The following BICDL1 variants were observed in gnomAD, a reference collection of about 807,000 sequenced individuals.
BICDL1 encodes the protein BICD family-like cargo adapter 1.
A neutral mutation model predicts 76.8 loss-of-function variants in BICDL1; 20 were observed. That is an observed-to-expected ratio of 0.26 (90% CI 0.18 to 0.38). BICDL1 has a LOEUF of 0.38. Among genes scored for constraint, BICDL1 ranks in the 10% least tolerant of loss-of-function variants. The pLI is 1.00. For synonymous variants in BICDL1, 383 were observed against 337.1 expected (o/e 1.14, Z -1.49); for missense variants, 700 against 798.6 (o/e 0.88, Z 1.49).
chr12:120,047,310 TCTGA>T (rs1952767871), intron 2 of BICDL1, among the ~76,000 whole-genome samples: 1 of 152,116 alleles, frequency 6.6e-6, no homozygotes, highest in Non-Finnish European at 1.5e-5. Flanking sequence ...TCATCCAATA[TCTGA>T]CTATTTGTTT....
intron 2 of BICDL1, among the ~76,000 whole-genome samples, chr12:120,025,342 G>C (rs951008903): frequency 6.6e-6 from 1 of 152,126 alleles, no homozygotes; most frequent in Non-Finnish European, 1.5e-5. Context: ...GAACCACCGC[G>C]CCCGGCCGAT....
intron 2 of BICDL1, among the ~76,000 whole-genome samples, chr12:120,011,962 A>G (rs943043417): frequency 3.9e-5 from 6 of 152,232 alleles, no homozygotes; most frequent in Non-Finnish European, 5.9e-5. Flanking sequence ...ATTGAACGAG[A>G]TGATTCCTTC....
At chr12:120,046,689 T>G (rs1952756470) in intron 2 of BICDL1, among the ~76,000 whole-genome samples, 1 of 152,172 alleles carries the variant, frequency 6.6e-6, no homozygotes, top group Non-Finnish European at 1.5e-5. Flanking sequence ...AGCATAGTAG[T>G]GTTCCATCCA....
At chr12:120,033,475 C>T (rs1029617952) in intron 2 of BICDL1, among the ~76,000 whole-genome samples, 2 of 149,278 alleles carry the variant, frequency 1.3e-5, no homozygotes, top group African/African-American at 2.5e-5. Flanking sequence ...CTCCCGGGTT[C>T]ACGCCATTCT....
At chr12:120,014,163 G>A (rs1393907500) in intron 2 of BICDL1, among the ~76,000 whole-genome samples, 1 of 152,210 alleles carries the variant, frequency 6.6e-6, no homozygotes, top group East Asian at 1.9e-4. Context: ...GTTTTATGCA[G>A]TCTGTTTACT....
chr12:120,002,894 C>T (rs1020529415), intron 2 of BICDL1, among the ~76,000 whole-genome samples: 2 of 152,114 alleles, frequency 1.3e-5, no homozygotes, highest in Non-Finnish European at 2.9e-5. Flanking sequence ...TGGTGGCTCA[C>T]GCCTGTAATC....
chr12:120,056,011 G>A (rs932418581), intron 2 of BICDL1, among the ~76,000 whole-genome samples: 14 of 152,108 alleles, frequency 9.2e-5, no homozygotes, highest in South Asian at 2.1e-4. Flanking sequence ...TGGAACACTC[G>A]AAATGCTCAT....
intron 2 of BICDL1, among the ~76,000 whole-genome samples, chr12:120,045,144 T>C (rs1952720482): frequency 6.6e-6 from 1 of 152,178 alleles, no homozygotes; most frequent in South Asian, 2.1e-4. Flanking sequence ...AAGACATTTA[T>C]GCAGCCAAAA....
chr12:120,021,748 T>G (rs551038041), intron 2 of BICDL1, among the ~76,000 whole-genome samples: 1 of 149,612 alleles, frequency 6.7e-6, no homozygotes, highest in South Asian at 2.1e-4. Context: ...CCACTAAAAA[T>G]ACTAAAATTA....
intron 4 of BICDL1, among the ~76,000 whole-genome samples, chr12:120,069,056 C>T (rs1325963287): frequency 6.6e-6 from 1 of 152,046 alleles, no homozygotes; most frequent in African/African-American, 2.4e-5. Context: ...CAGTTTTATC[C>T]TGACATAGTT....
intron 7 of BICDL1, 183 bp from the exon 8 acceptor site, chr12:120,080,704 G>A (rs1487089628): frequency 1.9e-6 from 1 of 524,966 alleles, no homozygotes; most frequent in East Asian, 3.5e-5. Context: ...AGCATGTGAT[G>A]TGGTACCCTT....
Position 120,094,122 on chromosome 12 carries a change from C to A in BICDL1, c.*961C>A. On this transcript the variant is annotated 3_prime_UTR_variant, in exon 10 of 10. Coordinates refer to ENST00000548673, the MANE Select transcript of BICDL1 (RefSeq NM_001367886.1). ...GGGAGGGGGAGGCTGCCGGAAGCCT[C>A]CAGATGCTGCCTGCCTGCCTGCAGA... 1 of 437,648 alleles carries A rather than the reference C, an allele frequency of 2.3e-6. No individual in the cohort carries two copies. The highest frequency in any genetic ancestry group is 4.6e-6 in the Non-Finnish European group (1 of 215,968). 27.1% of individuals were successfully genotyped at this position (437,648 alleles called of 1,614,324 possible).
At chr12:120,092,539 C>G in intron 9 of BICDL1, 1 of 985,440 alleles carries the variant, frequency 1.0e-6, no homozygotes, top group Non-Finnish European at 1.2e-6. Context: ...GGAGGAGCCC[C>G]TGAGGCCAGG....
chr12:120,086,277 A>G (rs1187515723), intron 8 of BICDL1, among the ~76,000 whole-genome samples: 1 of 152,224 alleles, frequency 6.6e-6, no homozygotes, highest in Non-Finnish European at 1.5e-5. Context: ...CTTAGAAATG[A>G]ATTTTTGTTA....
At position 120,093,978 on chromosome 12, in the gene BICDL1, C is replaced by CT. The variant is rs1875205141; in HGVS notation, c.*818dup. On this transcript the variant is annotated 3_prime_UTR_variant, in exon 10 of 10. Coordinates refer to ENST00000548673, the MANE Select transcript of BICDL1 (RefSeq NM_001367886.1). ...CCTCCCACAGCTCCCTCCTCCACCCCTCACATACATACATAATTTCTTGGC... is the reference window on the plus strand; with the variant it reads ...CCTCCCACAGCTCCCTCCTCCACCCCTTCACATACATACATAATTTCTTGGC... The CT allele has an allele frequency of 1.2e-5, 4 of 341,814 alleles. No individual in the cohort carries two copies. The highest frequency in any genetic ancestry group is 6.5e-5 in the African/African-American group (3 of 46,478). 21.2% of individuals were successfully genotyped at this position (341,814 alleles called of 1,614,324 possible).
intron 2 of BICDL1, among the ~76,000 whole-genome samples, chr12:120,016,656 G>A (rs773276370): frequency 4.0e-5 from 6 of 151,858 alleles, no homozygotes; most frequent in Non-Finnish European, 7.4e-5. Context: ...TTGGGCTCAA[G>A]CAGTTTGTCC....
chr12:120,078,172 T>C (rs1873709027), intron 7 of BICDL1, among the ~76,000 whole-genome samples: 1 of 152,170 alleles, frequency 6.6e-6, no homozygotes, highest in Admixed American at 6.5e-5. Context: ...CCCTCTTGAT[T>C]CCTTTCCTCA....
intron 8 of BICDL1, among the ~76,000 whole-genome samples, chr12:120,083,960 A>G (rs974155960): frequency 6.6e-6 from 1 of 151,156 alleles, no homozygotes; most frequent in Non-Finnish European, 1.5e-5. Flanking sequence ...GCCAATAGTA[A>G]TATTTATACA....
chr12:120,089,298 G>T (rs1874734003), intron 8 of BICDL1, among the ~76,000 whole-genome samples: 1 of 127,388 alleles, frequency 7.9e-6, no homozygotes, highest in Non-Finnish European at 1.5e-5. Flanking sequence ...GTATGTGTGT[G>T]TGTGTGGGGT....
Sources: gnomAD v4.1 joint callset for allele counts (sites outside exome capture counted in the v4.1 genomes callset) on GRCh38, gnomAD v4.1.1 for gene constraint, MANE v1.5 for transcripts, NCBI Gene and HGNC (gene_info 2026-07-23, HGNC 2026-07-21) for gene names.